Variants in FAM110B observed in about 807,000 individuals in gnomAD.
FAM110B encodes family with sequence similarity 110 member B, also known as protein FAM110B.
A neutral mutation model predicts 20.4 loss-of-function variants in FAM110B; 6 were observed. The observed-to-expected ratio is 0.29, with a 90% CI of 0.16 to 0.58. The LOEUF is 0.58. Among genes scored for constraint, FAM110B ranks in the 20% least tolerant of loss-of-function variants. FAM110B has a pLI of 0.90. For missense variants in FAM110B, 434 were observed against 498.2 expected, an observed-to-expected ratio of 0.87 and a Z score of 1.23; for synonymous variants, 226 against 214.1, an observed-to-expected ratio of 1.06 and a Z score of -0.49.
intron 2 of FAM110B, among the ~76,000 whole-genome samples, chr8:58,063,857 G>A (rs1274359818): frequency 1.3e-5 from 2 of 152,102 alleles, no homozygotes; most frequent in Admixed American, 1.3e-4. Context: ...CCTTATAAAG[G>A]TGTATTAGTC....
chr8:58,130,039 T>C (rs1803413342), intron 3 of FAM110B, among the ~76,000 whole-genome samples: 1 of 152,188 alleles, frequency 6.6e-6, no homozygotes, highest in African/African-American at 2.4e-5. Context: ...ACATAGAACC[T>C]ATTAGAAAGG....
At chr8:58,055,337 A>G (rs1805525819) in intron 2 of FAM110B, among the ~76,000 whole-genome samples, 1 of 152,238 alleles carries the variant, frequency 6.6e-6, no homozygotes, top group South Asian at 2.1e-4. Context: ...ATCTGGTTTT[A>G]GCAGACTGTG....
At chr8:58,123,743 C>G (rs900866756) in intron 3 of FAM110B, among the ~76,000 whole-genome samples, 4 of 152,120 alleles carry the variant, frequency 2.6e-5, no homozygotes, top group African/African-American at 9.7e-5. Flanking sequence ...CATGACTTCT[C>G]CTTTATAAAT....
At chr8:58,125,854 C>T (rs1563378836) in intron 3 of FAM110B, among the ~76,000 whole-genome samples, 1 of 152,164 alleles carries the variant, frequency 6.6e-6, no homozygotes, top group Non-Finnish European at 1.5e-5. Flanking sequence ...TTTGAAATTA[C>T]AGATTCACAA....
intron 2 of FAM110B, among the ~76,000 whole-genome samples, chr8:58,040,144 A>G (rs1172141721): frequency 6.6e-6 from 1 of 150,912 alleles, no homozygotes; most frequent in Non-Finnish European, 1.5e-5. Context: ...CTTCTTCGAC[A>G]TACTGTACCC....
rs531926747 is a variant in FAM110B at position 58,027,414 on chromosome 8, G to A, written c.-511-4192G>A. Reference sequence around the variant, plus strand: ...GAAGTTCGTGAATATTAAAAGATGGGAACACTGAGTTTTTTTTTTTTAAAG... The same window carrying A: ...GAAGTTCGTGAATATTAAAAGATGGAAACACTGAGTTTTTTTTTTTTAAAG... On this transcript the variant is annotated intron_variant, in intron 1 of 3. Transcript: ENST00000519262. 6.1e-5 allele frequency among the ~76,000 whole-genome samples: 9 copies of A among 147,426 alleles called. 1 individual carries two copies. The South Asian group carries it at 1.9e-3, about 32-fold the overall frequency.
At chr8:58,038,316 A>T (rs1417757036) in intron 2 of FAM110B, among the ~76,000 whole-genome samples, 3 of 152,176 alleles carry the variant, frequency 2.0e-5, no homozygotes, top group Non-Finnish European at 4.4e-5. Context: ...TATTTTGCAT[A>T]TGGAATCCTG....
At chr8:58,019,374 GAAAGA>G (rs1285857411) in intron 1 of FAM110B, among the ~76,000 whole-genome samples, 6 of 123,208 alleles carry the variant, frequency 4.9e-5, no homozygotes, top group Middle Eastern at 4.3e-3. Flanking sequence ...AAGAAAGAAA[GAAAGA>G]AAAGAAAAGA....
intron 3 of FAM110B, among the ~76,000 whole-genome samples, chr8:58,114,451 C>A (rs1222439266): frequency 1.3e-5 from 2 of 152,188 alleles, no homozygotes; most frequent in Non-Finnish European, 2.9e-5. Context: ...AGGGCGTCAT[C>A]GTCTCAGCCA....
At chr8:58,107,805 C>T (rs1166662362) in intron 3 of FAM110B, among the ~76,000 whole-genome samples, 1 of 152,206 alleles carries the variant, frequency 6.6e-6, no homozygotes, top group East Asian at 1.9e-4. Context: ...TTATGCTGTG[C>T]TCTGAGGGGC....
intron 3 of FAM110B, among the ~76,000 whole-genome samples, chr8:58,117,139 A>G (rs1171690461): frequency 6.6e-6 from 1 of 152,220 alleles, no homozygotes; most frequent in Non-Finnish European, 1.5e-5. Flanking sequence ...GGGAAAAATC[A>G]GTATTATTAG....
At chr8:58,063,223 T>C (rs1203234820) in intron 2 of FAM110B, among the ~76,000 whole-genome samples, 3 of 152,188 alleles carry the variant, frequency 2.0e-5, no homozygotes, top group African/African-American at 7.2e-5. Context: ...CCCTCCAGTT[T>C]TTACCTTTTC....
Position 58,100,725 on chromosome 8 carries a change from G to A in FAM110B, c.-325+25102G>A, listed in dbSNP as rs553392869. On this transcript the variant is annotated intron_variant, in intron 3 of 3. Coordinates refer to ENST00000519262, the MANE Select transcript of FAM110B (RefSeq NM_001377989.1). ...TGGATGAGGGGCCCAGCCTACTCCA[G>A]AATGACCTCCTGTTAACTCATTAAA... 5.9e-5 allele frequency: 9 copies of A among 152,292 alleles called. 1 individual carries two copies. The highest frequency in any genetic ancestry group is 5.2e-4 in the Admixed American group (8 of 15,298). 9.4% of individuals were successfully genotyped at this position (152,292 alleles called of 1,614,324 possible).
At chr8:58,116,504 A>G (rs1021090887) in intron 3 of FAM110B, among the ~76,000 whole-genome samples, 6 of 152,168 alleles carry the variant, frequency 3.9e-5, no homozygotes, top group South Asian at 2.1e-4. Flanking sequence ...TTGCTCAGAT[A>G]TCCCCTTTTC....
At chr8:58,129,525 C>T (rs1807597739) in intron 3 of FAM110B, among the ~76,000 whole-genome samples, 1 of 152,232 alleles carries the variant, frequency 6.6e-6, no homozygotes, top group Admixed American at 6.5e-5. Flanking sequence ...CAATAAATGG[C>T]TCCTGTCCAG....
intron 1 of FAM110B, among the ~76,000 whole-genome samples, chr8:58,022,385 A>G (rs1804773570): frequency 1.3e-5 from 2 of 152,166 alleles, no homozygotes; most frequent in African/African-American, 2.4e-5. Flanking sequence ...AGGAAGAAGT[A>G]GGGGTGAATG....
chr8:58,129,617 G>A (rs1333493151), intron 3 of FAM110B, among the ~76,000 whole-genome samples: 1 of 152,148 alleles, frequency 6.6e-6, no homozygotes, highest in Non-Finnish European at 1.5e-5. Context: ...TGCTGTATGA[G>A]AAGTATGTGA....
At chr8:58,127,613 G>A (rs181838919) in intron 3 of FAM110B, among the ~76,000 whole-genome samples, 7 of 152,216 alleles carry the variant, frequency 4.6e-5, no homozygotes, top group Admixed American at 1.3e-4. Context: ...CAGCAAGTTC[G>A]CAGAATATAA....
chr8:58,047,518 A>C (rs1020465119), intron 2 of FAM110B, among the ~76,000 whole-genome samples: 2 of 151,252 alleles, frequency 1.3e-5, no homozygotes, highest in African/African-American at 4.9e-5. Context: ...CCTGAACTAC[A>C]TCTGGGGTGT....
Sources: allele counts gnomAD v4.1 joint callset (sites outside exome capture counted in the v4.1 genomes callset), GRCh38; gene constraint gnomAD v4.1.1; transcripts MANE v1.5; gene names NCBI Gene and HGNC (gene_info 2026-07-23, HGNC 2026-07-21).